The following FOXN3 variants were observed in gnomAD, a reference collection of about 807,000 sequenced individuals.
FOXN3 encodes the protein forkhead box protein N3.
In FOXN3, 7 loss-of-function variants were observed where a neutral mutation model predicts 38.4. The observed-to-expected ratio is 0.18, with a 90% confidence interval of 0.10 to 0.34. The LOEUF (loss-of-function observed/expected upper bound fraction) is 0.34, where lower values mean the gene tolerates loss of function less well. Among genes scored for constraint, FOXN3 ranks in the 10% least tolerant of loss-of-function variants. The pLI, the probability that FOXN3 is intolerant of heterozygous loss-of-function variation, is 1.00. For synonymous variants in FOXN3, 230 were observed against 242.2 expected, an observed-to-expected ratio of 0.95 and a Z score of 0.47; for missense variants, 456 against 613.4, an observed-to-expected ratio of 0.74 and a Z score of 2.71.
At chr14:89,471,144 G>A (rs572552334) in intron 1 of FOXN3, among the ~76,000 whole-genome samples, 69 of 152,280 alleles carry the variant, frequency 4.5e-4, no homozygotes, top group African/African-American at 1.6e-3. Flanking sequence ...CATAGCAAGC[G>A]CACAGTATGT....
At chr14:89,350,554 C>G in intron 3 of FOXN3, 118 bp downstream of exon 3, 1 of 885,394 alleles carries the variant, frequency 1.1e-6, no homozygotes, top group Non-Finnish European at 1.6e-6. Context: ...ATTTCTTTCT[C>G]ATTTACCTGC....
At chr14:89,183,129 GC>G (rs1887715738) in intron 4 of FOXN3, among the ~76,000 whole-genome samples, 3 of 152,128 alleles carry the variant, frequency 2.0e-5, no homozygotes. Context: ...AAAACGATAG[GC>G]TTTTTGTTTG....
At chr14:89,324,189 G>C (rs538403790) in intron 3 of FOXN3, among the ~76,000 whole-genome samples, 1 of 152,316 alleles carries the variant, frequency 6.6e-6, no homozygotes, top group Admixed American at 6.5e-5. Flanking sequence ...ACGCCCATTA[G>C]CTAAAGTGAT....
intron 2 of FOXN3, chr14:89,401,754 G>A (rs1891253900): frequency 4.7e-6 from 2 of 427,248 alleles, no homozygotes; most frequent in Middle Eastern, 3.4e-4. Flanking sequence ...TATCGGTCCT[G>A]TCCCTCGAGG....
In FOXN3 at chr14:89,161,598, C is replaced by T. The variant is rs7156172; in HGVS notation, c.*816G>A. ...GTGTGTGTGTGTGTGTGTGTGTGTG[C>T]GTGCGTGCACAGGGCCAATCTTCAG... is the stretch of plus-strand genomic sequence containing the variant. On this transcript the variant is annotated 3_prime_UTR_variant, in exon 6 of 6. Transcript: ENST00000557258. 0.23 allele frequency: 19,499 copies of T among 86,018 alleles called. 1,778 individuals carry two copies. The highest frequency in any genetic ancestry group is 0.39 in the East Asian group (1,513 of 3,860). 5.3% of individuals were successfully genotyped at this position (86,018 alleles called of 1,614,324 possible). A position where few individuals can be genotyped will look rare whatever the true frequency, so the allele number is the denominator to read the frequency against.
chr14:89,356,809 A>C (rs1016301), intron 2 of FOXN3, among the ~76,000 whole-genome samples: 33,640 of 152,204 alleles, frequency 0.22, 3,912 homozygotes, highest in African/African-American at 0.31. Flanking sequence ...AGCTTGGATT[A>C]TAGATGGGAA....
At chr14:89,360,634 G>A (rs539462915) in intron 2 of FOXN3, among the ~76,000 whole-genome samples, 1 of 151,644 alleles carries the variant, frequency 6.6e-6, no homozygotes, top group African/African-American at 2.4e-5. Context: ...AGGAAGGCTG[G>A]GGCAAGAGCT....
chr14:89,338,460 G>C lies in FOXN3; in HGVS notation c.680+12212C>G, dbSNP rs576351495. Among the ~76,000 whole-genome samples, 10 of 152,054 alleles carry C rather than the reference G, an allele frequency of 6.6e-5. No homozygotes were observed. In the East Asian group the frequency reaches 1.9e-3, roughly 29 times the overall value. On this transcript the variant is annotated intron_variant, in intron 3 of 5. Transcript: ENST00000557258. ...AAGCACAGAACATAAAGTATAAAAA[G>C]ATTCCTCACAATACAAAACCATATA... is the stretch of plus-strand genomic sequence containing the variant.
chr14:89,564,376 C>T (rs986350446), intron 1 of FOXN3, among the ~76,000 whole-genome samples: 4 of 152,118 alleles, frequency 2.6e-5, no homozygotes, highest in Non-Finnish European at 5.9e-5. Flanking sequence ...ACTCAAATCT[C>T]GTCTCTGAAT....
intron 1 of FOXN3, among the ~76,000 whole-genome samples, chr14:89,425,619 C>T (rs1892010919): frequency 6.6e-6 from 1 of 152,088 alleles, no homozygotes; most frequent in Non-Finnish European, 1.5e-5. Context: ...CCCACCTTGG[C>T]CTCCCAAAGT....
intron 2 of FOXN3, among the ~76,000 whole-genome samples, chr14:89,363,444 T>C (rs1292673138): frequency 6.6e-6 from 1 of 152,222 alleles, no homozygotes; most frequent in Non-Finnish European, 1.5e-5. Flanking sequence ...AATCCCCACA[T>C]GTAGCTCCCA....
At chr14:89,272,155 C>T (rs1555414247) in intron 4 of FOXN3, among the ~76,000 whole-genome samples, 1 of 151,814 alleles carries the variant, frequency 6.6e-6, no homozygotes, top group Non-Finnish European at 1.5e-5. Context: ...ACTAAAAATA[C>T]AAAAAAATTA....
intron 1 of FOXN3, among the ~76,000 whole-genome samples, chr14:89,432,203 TC>T (rs1892173538): frequency 1.3e-5 from 2 of 152,186 alleles, no homozygotes; most frequent in African/African-American, 2.4e-5. Context: ...AAGCCAAATG[TC>T]CCATCTTTTC....
intron 1 of FOXN3, among the ~76,000 whole-genome samples, chr14:89,444,487 G>C (rs1892454331): frequency 6.9e-6 from 1 of 145,236 alleles, no homozygotes; most frequent in African/African-American, 2.6e-5. Context: ...AGAGGTATAG[G>C]TTTATAAGGT....
chr14:89,461,676 C>T (rs1892850869), intron 1 of FOXN3, among the ~76,000 whole-genome samples: 1 of 152,124 alleles, frequency 6.6e-6, no homozygotes, highest in African/African-American at 2.4e-5. Flanking sequence ...TTGAAATCTA[C>T]AACATGATGT....
intron 5 of FOXN3, among the ~76,000 whole-genome samples, chr14:89,171,915 G>GA (rs577127112): frequency 1.6e-3 from 241 of 151,992 alleles, no homozygotes; most frequent in African/African-American, 5.4e-3. Context: ...AATAATTAGG[G>GA]AAAAAAACCC....
At chr14:89,483,414 G>T (rs1318579155) in intron 1 of FOXN3, among the ~76,000 whole-genome samples, 3 of 152,012 alleles carry the variant, frequency 2.0e-5, no homozygotes, top group Non-Finnish European at 4.4e-5. Flanking sequence ...GAGATGTGGG[G>T]TGTACTTTTT....
intron 1 of FOXN3, among the ~76,000 whole-genome samples, chr14:89,505,521 C>A (rs1187584164): frequency 6.6e-6 from 1 of 152,206 alleles, no homozygotes; most frequent in Non-Finnish European, 1.5e-5. Context: ...GAGTGATCCG[C>A]CAGCCTCGGC....
chr14:89,173,410 T>A (rs754917796), intron 5 of FOXN3, among the ~76,000 whole-genome samples: 1 of 152,226 alleles, frequency 6.6e-6, no homozygotes, highest in East Asian at 1.9e-4. Flanking sequence ...CATTACCTTG[T>A]AAAGCTGAGC....
Sources: gnomAD v4.1 joint callset for allele counts (sites outside exome capture counted in the v4.1 genomes callset) on GRCh38, gnomAD v4.1.1 for gene constraint, MANE v1.5 for transcripts, NCBI Gene and HGNC (gene_info 2026-07-23, HGNC 2026-07-21) for gene names.